The following GPC1 variants were observed in gnomAD, a reference collection of about 807,000 sequenced individuals.
GPC1 encodes the protein glypican-1.
GPC1 carries 26 observed loss-of-function variants against 51.5 expected under a neutral mutation model. The observed-to-expected ratio is 0.50, with a 90% CI of 0.37 to 0.70. The LOEUF (loss-of-function observed/expected upper bound fraction) is 0.70, where lower values mean the gene tolerates loss of function less well. GPC1 is among the 30% of genes least tolerant of loss of function. GPC1 has a pLI of 0.00. For missense variants in GPC1, 775 were observed against 800.5 expected (o/e 0.97, Z 0.38); for synonymous variants, 380 against 348.3 (o/e 1.09, Z -1.01).
intron 1 of GPC1, among the ~76,000 whole-genome samples, chr2:240,443,777 G>A (rs981726465): frequency 1.3e-5 from 2 of 152,192 alleles, no homozygotes; most frequent in Non-Finnish European, 2.9e-5. Context: ...TCCCACCTTT[G>A]AGGTGCCCCA....
chr2:240,454,293 C>T (rs997140255), intron 1 of GPC1, among the ~76,000 whole-genome samples: 1 of 152,128 alleles, frequency 6.6e-6, no homozygotes, highest in Non-Finnish European at 1.5e-5. Context: ...AAAAGATCCT[C>T]TGCAGCCTGG....
chr2:240,436,059 C>A lies in GPC1; in HGVS notation c.141C>A (p.Ser47Arg). 7.5e-7 allele frequency: 1 copy of A among 1,328,988 alleles called. No individual in the cohort carries two copies. Among genetic ancestry groups the A allele is most frequent in the Non-Finnish European group, 9.6e-7 (1 of 1,037,560 alleles). 82.3% of individuals were successfully genotyped at this position (1,328,988 alleles called of 1,614,324 possible). ...ACGGAGCCAAGGGCTTCAGCCTGAG[C>A]GACGTGCCCCAGGCGGAGATCTCGG... ...QIYGAKGFSL[S>R]DVPQAEISGE... is the part of the protein sequence containing the mutation. The change falls in exon 1 of 9, where the codon AGC becomes AGA. Residue 47 changes from serine (S) to arginine (R), a missense_variant. Ser to Arg is a moderately radical substitution (Grantham distance 110). Transcript: ENST00000264039.
intron 1 of GPC1, among the ~76,000 whole-genome samples, chr2:240,454,035 C>A (rs1050013470): frequency 1.2e-4 from 18 of 149,716 alleles, no homozygotes; most frequent in Admixed American, 1.1e-3. Flanking sequence ...GGCTCCTTGG[C>A]GACGCTGTCA....
chr2:240,435,886 G>A lies in GPC1; in HGVS notation c.-33G>A, dbSNP rs1438690836. The A allele has an allele frequency of 4.1e-6, 5 of 1,211,002 alleles. No homozygotes were observed. The highest frequency in any genetic ancestry group is 4.4e-5 in the Admixed American group (1 of 22,970). 75.0% of individuals were successfully genotyped at this position (1,211,002 alleles called of 1,614,324 possible). ...CCCGGCCAGGATCCGAGAGAGGCGC[G>A]GGCGGGTGGCCGGGGGCGCCGCCGG... is the stretch of plus-strand genomic sequence containing the variant. On this transcript the variant is annotated 5_prime_UTR_variant, in exon 1 of 9. Coordinates refer to ENST00000264039, the MANE Select transcript of GPC1 (RefSeq NM_002081.3).
rs145058484 is a variant in GPC1, at chr2:240,444,029, C to T, written c.166+7945C>T. ...AGCTGGGCCAAGGCCACAGACTACC[C>T]CGCAGGTGCAGGCACCCAGAGGCCT... On this transcript the variant is annotated intron_variant, in intron 1 of 8. Coordinates refer to ENST00000264039, the MANE Select transcript of GPC1 (RefSeq NM_002081.3). Among the ~76,000 whole-genome samples, 352 of 152,360 alleles carry T rather than the reference C, an allele frequency of 2.3e-3. 2 individuals are homozygous for T. Among genetic ancestry groups the T allele is most frequent in the African/African-American group, 8.1e-3 (337 of 41,588 alleles).
chr2:240,464,656 G>T lies in GPC1; in HGVS notation c.924G>T (p.Ser308=), dbSNP rs755408412. The T allele has an allele frequency of 1.2e-6, 2 of 1,613,332 alleles. No homozygotes were observed. The highest frequency in any genetic ancestry group is 2.2e-5 in the East Asian group (1 of 44,880). Residue 308 remains serine, a synonymous_variant, in exon 5 of 9, where the codon TCG becomes TCT. Coordinates refer to ENST00000264039, the MANE Select transcript of GPC1 (RefSeq NM_002081.3). The part of the protein sequence containing the change: ...VLITDKFWGT[S]GVESVIGSVH... ...TCACCGACAAGTTCTGGGGTACATC[G>T]GGTGTGGAGAGTGTCATCGGCAGCG...
chr2:240,454,715 A>G (rs2074140290), intron 1 of GPC1: 1 of 153,224 alleles, frequency 6.5e-6, no homozygotes, highest in Admixed American at 6.5e-5. Flanking sequence ...ACGAGGCTGT[A>G]AAGGTGGATA....
chr2:240,445,373 T>C (rs1191177672), intron 1 of GPC1, among the ~76,000 whole-genome samples: 2 of 152,158 alleles, frequency 1.3e-5, no homozygotes. Context: ...GGGGGTGCTC[T>C]GGTGTTTAGT....
chr2:240,459,363 G>A (rs1003573137), intron 2 of GPC1, among the ~76,000 whole-genome samples, 175 bp downstream of exon 2: 1 of 152,086 alleles, frequency 6.6e-6, no homozygotes, highest in African/African-American at 2.4e-5. Context: ...GGGATTTGGG[G>A]GCTGCCCTCA....
At chr2:240,462,950 G>A (rs2074229189) in intron 3 of GPC1, among the ~76,000 whole-genome samples, 1 of 152,178 alleles carries the variant, frequency 6.6e-6, no homozygotes, top group Non-Finnish European at 1.5e-5. Flanking sequence ...TGGGGCCCCA[G>A]AGCCTCGCAG....
In GPC1 at chr2:240,454,112, C is replaced by T. The variant is rs1040777367; in HGVS notation, c.167-4918C>T. On this transcript the variant is annotated intron_variant, in intron 1 of 8. Coordinates refer to ENST00000264039, the MANE Select transcript of GPC1 (RefSeq NM_002081.3). ...GGGGTGTGGGGAGGGGAGGGAAGCACGATGGGGTGAGTCTGGGGGCCGTGG... is the reference window on the plus strand; with the variant it reads ...GGGGTGTGGGGAGGGGAGGGAAGCATGATGGGGTGAGTCTGGGGGCCGTGG... 2.0e-5 allele frequency among the ~76,000 whole-genome samples: 3 copies of T among 151,704 alleles called. No homozygotes were observed. The East Asian group carries it at 5.8e-4, about 30-fold the overall frequency.
At chr2:240,463,609 C>G in intron 4 of GPC1, 97 bp downstream of exon 4, 3 of 1,035,962 alleles carry the variant, frequency 2.9e-6, no homozygotes, top group Non-Finnish European at 4.3e-6. Flanking sequence ...GAGCTTGGAC[C>G]CAGGGACCTG....
Position 240,462,201 on chromosome 2 carries a change from G to A in GPC1, c.336G>A (p.Gln112=), listed in dbSNP as rs760887895. Residue 112 remains glutamine, a synonymous_variant, in exon 3 of 9, where the codon CAG becomes CAA. Transcript: ENST00000264039. ...CCTCCCTGTGCGCAGACCACTTCCA[G>A]CACCTGCTGAACGACTCGGAGCGGA... The part of the protein sequence containing the change: ...TQLRSFDDHF[Q]HLLNDSERTL... 8.1e-6 allele frequency: 13 copies of A among 1,595,258 alleles called. No individual in the cohort carries two copies. The African/African-American group carries it at 1.5e-4, about 18-fold the overall frequency.
intron 1 of GPC1, chr2:240,450,395 A>G (rs1574762755): frequency 2.9e-6 from 1 of 344,138 alleles, no homozygotes; most frequent in East Asian, 8.0e-5. Flanking sequence ...GAGGCGGGGG[A>G]TGCTAAGGCT....
chr2:240,466,242 C>T lies in GPC1; in HGVS notation c.1629C>T (p.Pro543=). Residue 543 remains proline (P), a synonymous_variant, in exon 9 of 9, where the codon CCC becomes CCT. Coordinates refer to ENST00000264039, the MANE Select transcript of GPC1 (RefSeq NM_002081.3). ...CCCAGCCCCCGACCTTCCTCCTGCC[C>T]CTCCTCCTCTTCCTGGCCCTTACAG... is the stretch of plus-strand genomic sequence containing the variant. ...SCPQPPTFLL[P]LLLFLALTVA... is the part of the protein sequence containing the mutation. 6.2e-7 allele frequency: 1 copy of T among 1,611,624 alleles called. No individual in the cohort carries two copies. Among genetic ancestry groups the T allele is most frequent in the South Asian group, 1.1e-5 (1 of 91,054 alleles).
At chr2:240,447,092 T>C (rs935998620) in intron 1 of GPC1, among the ~76,000 whole-genome samples, 6 of 151,934 alleles carry the variant, frequency 3.9e-5, no homozygotes, top group Admixed American at 1.3e-4. Flanking sequence ...CGTTTCTGAG[T>C]AGCAAAGGCA....
At chr2:240,464,773 CA>C in intron 5 of GPC1, 27 bp downstream of exon 5, 1 of 1,590,276 alleles carries the variant, frequency 6.3e-7, no homozygotes, top group Non-Finnish European at 8.6e-7. Context: ...GTGACGAGCA[CA>C]GCGGGGTGGG....
intron 1 of GPC1, among the ~76,000 whole-genome samples, chr2:240,438,607 G>T (rs574185658): frequency 6.6e-6 from 1 of 152,222 alleles, no homozygotes; most frequent in Non-Finnish European, 1.5e-5. Flanking sequence ...CCCGGAGCAG[G>T]TGGGGTAGAG....
At chr2:240,459,996 G>T (rs1002894369) in intron 2 of GPC1, among the ~76,000 whole-genome samples, 2 of 152,128 alleles carry the variant, frequency 1.3e-5, no homozygotes, top group African/African-American at 4.8e-5. Context: ...CGCTGAGGCT[G>T]CAGGGCTCCA....
Sources: gnomAD v4.1 joint callset for allele counts (sites outside exome capture counted in the v4.1 genomes callset) on GRCh38, gnomAD v4.1.1 for gene constraint, MANE v1.5 for transcripts, NCBI Gene and HGNC (gene_info 2026-07-23, HGNC 2026-07-21) for gene names.